PLPPR1: variants seen among roughly 807,000 people sequenced by gnomAD.
PLPPR1 encodes the protein phospholipid phosphatase-related protein type 1.
A neutral mutation model predicts 33.1 loss-of-function variants in PLPPR1; 10 were observed. That is an observed-to-expected ratio of 0.30 (90% CI 0.19 to 0.51). The LOEUF (loss-of-function observed/expected upper bound fraction) is 0.51. PLPPR1 is among the 20% of genes least tolerant of loss of function. The pLI is 0.97. For synonymous variants in PLPPR1, 151 were observed against 151.0 expected (o/e 1.00, Z 0.00); for missense variants, 304 against 408.1 (o/e 0.74, Z 2.20).
At chr9:101,152,969 A>G (rs1254213629) in intron 1 of PLPPR1, among the ~76,000 whole-genome samples, 1 of 152,154 alleles carries the variant, frequency 6.6e-6, no homozygotes, top group East Asian at 1.9e-4. Context: ...GATGGCATTG[A>G]ATCTATAAAT....
At chr9:101,294,722 T>C (rs1828587695) in intron 4 of PLPPR1, among the ~76,000 whole-genome samples, 1 of 152,102 alleles carries the variant, frequency 6.6e-6, no homozygotes, top group Non-Finnish European at 1.5e-5. Context: ...TCTCAATAGA[T>C]GCAGAAAAGG....
intron 1 of PLPPR1, among the ~76,000 whole-genome samples, chr9:101,172,028 T>A (rs117237100): frequency 1.3e-5 from 2 of 152,156 alleles, no homozygotes; most frequent in Non-Finnish European, 2.9e-5. Context: ...TTACCTCCAA[T>A]TAAGATTTGG....
intron 1 of PLPPR1, among the ~76,000 whole-genome samples, chr9:101,154,275 A>C (rs1467192868): frequency 6.6e-6 from 1 of 152,184 alleles, no homozygotes; most frequent in Non-Finnish European, 1.5e-5. Context: ...GAATAGTTTC[A>C]GAAGGAATGG....
At chr9:101,295,266 G>A (rs936740231) in intron 4 of PLPPR1, among the ~76,000 whole-genome samples, 1 of 151,838 alleles carries the variant, frequency 6.6e-6, no homozygotes, top group Non-Finnish European at 1.5e-5. Flanking sequence ...ACCTCTTCAA[G>A]GAGAACTACA....
Position 101,294,466 on chromosome 9 carries a change from T to C in PLPPR1, c.385+8230T>C, listed in dbSNP as rs966039335. On this transcript the variant is annotated intron_variant, in intron 4 of 7. Transcript: ENST00000374874. ...AACTCATTTTATGAGGCCAGCATCA[T>C]CCTGATACCAAAGCCTGGCACAGAC... Among the ~76,000 whole-genome samples, 291 of 152,278 alleles carry C rather than the reference T, an allele frequency of 1.9e-3. 2 individuals carry two copies. Among genetic ancestry groups the C allele is most frequent in the Non-Finnish European group, 3.5e-3 (239 of 68,024 alleles).
intron 1 of PLPPR1, among the ~76,000 whole-genome samples, chr9:101,111,960 T>C (rs1265454159): frequency 6.6e-6 from 1 of 152,210 alleles, no homozygotes; most frequent in Non-Finnish European, 1.5e-5. Flanking sequence ...ACAGCGTTGC[T>C]TCAGCCTCAC....
At chr9:101,306,442 C>A (rs993687141) in intron 4 of PLPPR1, among the ~76,000 whole-genome samples, 6 of 152,218 alleles carry the variant, frequency 3.9e-5, no homozygotes, top group Non-Finnish European at 8.8e-5. Flanking sequence ...ATTTCAGAAA[C>A]TTTGTAAGAC....
intron 4 of PLPPR1, among the ~76,000 whole-genome samples, chr9:101,303,659 AG>A (rs1370160272): frequency 2.0e-5 from 3 of 152,180 alleles, no homozygotes; most frequent in African/African-American, 7.2e-5. Context: ...GGGTGGTAAA[AG>A]CTGCGGTTCA....
chr9:101,112,496 C>T (rs1831068918), intron 1 of PLPPR1, among the ~76,000 whole-genome samples: 1 of 152,182 alleles, frequency 6.6e-6, no homozygotes, highest in Non-Finnish European at 1.5e-5. Flanking sequence ...CAAACAGTGT[C>T]ATTAGCAGTC....
intron 1 of PLPPR1, among the ~76,000 whole-genome samples, chr9:101,088,727 T>G (rs1246349366): frequency 1.3e-5 from 2 of 152,156 alleles, no homozygotes; most frequent in Non-Finnish European, 2.9e-5. Context: ...GTAAAATGCT[T>G]TGAGGAAATT....
intron 5 of PLPPR1, 61 bp from the exon 6 acceptor site, chr9:101,312,737 C>A (rs1828980506): frequency 7.0e-7 from 1 of 1,435,296 alleles, no homozygotes; most frequent in East Asian, 2.3e-5. Context: ...TGCTTGCTTG[C>A]ATGTGTACTC....
intron 6 of PLPPR1, among the ~76,000 whole-genome samples, chr9:101,315,057 G>A (rs1829028310): frequency 6.6e-6 from 1 of 152,134 alleles, no homozygotes; most frequent in African/African-American, 2.4e-5. Flanking sequence ...TCAAATCTGG[G>A]TAACTGGGAT....
At chr9:101,227,768 A>G (rs964112276) in intron 2 of PLPPR1, among the ~76,000 whole-genome samples, 2 of 152,020 alleles carry the variant, frequency 1.3e-5, no homozygotes, top group East Asian at 1.9e-4. Flanking sequence ...TAGTTTTTCA[A>G]TTTTGTTCCT....
chr9:101,184,623 C>G (rs529380099), intron 1 of PLPPR1, among the ~76,000 whole-genome samples: 1 of 152,068 alleles, frequency 6.6e-6, no homozygotes, highest in African/African-American at 2.4e-5. Flanking sequence ...ATTTTTAAAA[C>G]TCTGGACTGG....
At chr9:101,301,297 T>G (rs997396749) in intron 4 of PLPPR1, among the ~76,000 whole-genome samples, 8 of 152,196 alleles carry the variant, frequency 5.3e-5, no homozygotes, top group Admixed American at 2.6e-4. Flanking sequence ...TCTTATATCT[T>G]TCCTGCATTT....
chr9:101,293,222 G>C (rs1400054718), intron 4 of PLPPR1, among the ~76,000 whole-genome samples: 1 of 146,052 alleles, frequency 6.8e-6, no homozygotes, highest in East Asian at 2.0e-4. Flanking sequence ...TTACATAATG[G>C]TAAAGGGATC....
chr9:101,060,555 C>T (rs929745292), intron 1 of PLPPR1, among the ~76,000 whole-genome samples: 2 of 151,806 alleles, frequency 1.3e-5, no homozygotes, highest in African/African-American at 2.4e-5. Flanking sequence ...AACAAAACAC[C>T]ATGCTGTTCA....
At chr9:101,161,249 T>G (rs7852006) in intron 1 of PLPPR1, among the ~76,000 whole-genome samples, 24,673 of 152,100 alleles carry the variant, frequency 0.16, 2,236 homozygotes, top group Non-Finnish European at 0.2. Flanking sequence ...CCTCAGTTAC[T>G]CTAAGATGTT....
chr9:101,040,129 T>G (rs1830059226), intron 1 of PLPPR1, among the ~76,000 whole-genome samples: 2 of 152,136 alleles, frequency 1.3e-5, no homozygotes, highest in Admixed American at 6.6e-5. Context: ...TCAGCCCTCT[T>G]TGTCTGCATG....
Sources: gnomAD v4.1 joint callset for allele counts (sites outside exome capture counted in the v4.1 genomes callset) on GRCh38, gnomAD v4.1.1 for gene constraint, MANE v1.5 for transcripts, NCBI Gene and HGNC (gene_info 2026-07-23, HGNC 2026-07-21) for gene names.